Variants in PAN3 observed in about 807,000 individuals in gnomAD.
PAN3 encodes the protein poly(A) specific ribonuclease subunit PAN3.
Under a neutral mutation model 96.2 loss-of-function variants are expected in PAN3, and 19 were observed. The observed-to-expected ratio is 0.20, with a 90% CI of 0.14 to 0.29. The LOEUF (loss-of-function observed/expected upper bound fraction) is 0.29, where lower values mean the gene tolerates loss of function less well. Among genes scored for constraint, PAN3 ranks in the 10% least tolerant of loss-of-function variants. PAN3 has a pLI of 1.00. For synonymous variants in PAN3, 433 were observed against 406.6 expected (o/e 1.06, Z -0.78); for missense variants, 882 against 1,108.1 (o/e 0.80, Z 2.90).
chr13:28,246,017 T>G (rs554286652), intron 6 of PAN3, among the ~76,000 whole-genome samples: 2 of 152,204 alleles, frequency 1.3e-5, no homozygotes, highest in Admixed American at 6.5e-5. Flanking sequence ...ATGTTTTTAG[T>G]GCTCTTCGGT....
intron 1 of PAN3, among the ~76,000 whole-genome samples, chr13:28,156,484 A>G (rs1166142242): frequency 6.6e-6 from 1 of 152,226 alleles, no homozygotes; most frequent in African/African-American, 2.4e-5. Context: ...ACATATTAAT[A>G]TAAAGAGCTG....
At chr13:28,156,464 A>G (rs868726163) in intron 1 of PAN3, among the ~76,000 whole-genome samples, 6 of 152,326 alleles carry the variant, frequency 3.9e-5, no homozygotes, top group Middle Eastern at 6.8e-3. Context: ...TCAAAGCTGA[A>G]TTCTACCAGA....
At chr13:28,282,340 GT>G (rs11406834) in intron 17 of PAN3, among the ~76,000 whole-genome samples, 53 of 143,598 alleles carry the variant, frequency 3.7e-4, no homozygotes, top group Middle Eastern at 3.6e-3. Context: ...TTGAGGGGTT[GT>G]TTTTTTTTTT....
At chr13:28,277,528 CT>C in intron 15 of PAN3, 152 bp downstream of exon 15, 1 of 820,290 alleles carries the variant, frequency 1.2e-6, no homozygotes, top group Non-Finnish European at 1.9e-6. Flanking sequence ...GTAAATATTT[CT>C]TAGATAAATT....
At chr13:28,194,466 A>ATATATATT (rs1429166016) in intron 4 of PAN3, among the ~76,000 whole-genome samples, 2 of 122,130 alleles carry the variant, frequency 1.6e-5, no homozygotes, top group African/African-American at 7.2e-5. Context: ...ATATATATAT[A>ATATATATT]TTTTTTTTTT....
chr13:28,153,354 G>A (rs966642437), intron 1 of PAN3, among the ~76,000 whole-genome samples: 4 of 148,736 alleles, frequency 2.7e-5, no homozygotes, highest in African/African-American at 1.0e-4. Context: ...TCCTGCCTCA[G>A]CCTCCCGAGT....
At chr13:28,213,069 T>C (rs1294657687) in intron 5 of PAN3, among the ~76,000 whole-genome samples, 2 of 152,098 alleles carry the variant, frequency 1.3e-5, no homozygotes, top group Non-Finnish European at 2.9e-5. Context: ...AACAATACCA[T>C]TGGCTTTCCG....
chr13:28,289,498 A>T (rs972615949), intron 18 of PAN3, among the ~76,000 whole-genome samples: 1 of 152,150 alleles, frequency 6.6e-6, no homozygotes, highest in Non-Finnish European at 1.5e-5. Flanking sequence ...GGCTGGTCCC[A>T]AACTCCTGAG....
intron 1 of PAN3, among the ~76,000 whole-genome samples, chr13:28,170,096 C>A (rs1207008872): frequency 6.6e-6 from 1 of 152,106 alleles, no homozygotes; most frequent in Non-Finnish European, 1.5e-5. Flanking sequence ...CCATTGATTA[C>A]TGGCTATATC....
chr13:28,155,854 A>ATTTT (rs1289720473), intron 1 of PAN3, among the ~76,000 whole-genome samples: 2 of 152,204 alleles, frequency 1.3e-5, no homozygotes, highest in Non-Finnish European at 2.9e-5. Flanking sequence ...TAGGTAGATG[A>ATTTT]GAAAAGACAC....
chr13:28,208,214 G>A (rs1879600078), intron 5 of PAN3, among the ~76,000 whole-genome samples: 1 of 152,140 alleles, frequency 6.6e-6, no homozygotes, highest in Admixed American at 6.5e-5. Flanking sequence ...TGTGGAATAT[G>A]ACAAATAGGT....
intron 6 of PAN3, among the ~76,000 whole-genome samples, chr13:28,227,510 G>A (rs1326682621): frequency 6.6e-6 from 1 of 152,126 alleles, no homozygotes; most frequent in African/African-American, 2.4e-5. Context: ...ATTATGACTC[G>A]ATTGCCTTTA....
intron 7 of PAN3, among the ~76,000 whole-genome samples, chr13:28,259,633 T>TTTTA (rs897460475): frequency 9.9e-5 from 15 of 151,792 alleles, no homozygotes; most frequent in East Asian, 5.8e-4. Flanking sequence ...TAATTTTTTA[T>TTTTA]TTTATTTATT....
At chr13:28,139,191 C>A (rs1017934843) in intron 1 of PAN3, 104 bp downstream of exon 1, 12 of 1,190,096 alleles carry the variant, frequency 1.0e-5, no homozygotes, top group East Asian at 3.2e-5. Context: ...CGGGCTCCCC[C>A]CCTCACCTCC....
At chr13:28,152,153 C>T (rs1348579607) in intron 1 of PAN3, among the ~76,000 whole-genome samples, 1 of 152,174 alleles carries the variant, frequency 6.6e-6, no homozygotes, top group Non-Finnish European at 1.5e-5. Flanking sequence ...ACTATCCCAT[C>T]ACATTTAATA....
intron 14 of PAN3, among the ~76,000 whole-genome samples, chr13:28,276,261 T>C (rs1458086394): frequency 6.6e-6 from 1 of 152,236 alleles, no homozygotes; most frequent in Non-Finnish European, 1.5e-5. Context: ...AAATTCCTTA[T>C]AATAAACGAA....
At chr13:28,206,387 G>A (rs1163390256) in intron 5 of PAN3, among the ~76,000 whole-genome samples, 2 of 145,372 alleles carry the variant, frequency 1.4e-5, no homozygotes, top group Non-Finnish European at 3.0e-5. Flanking sequence ...GCAGTGGTGC[G>A]ATCTCGGCTT....
chr13:28,261,372 A>C (rs907526313), intron 8 of PAN3, 29 bp from the exon 9 acceptor site: 31 of 1,413,034 alleles, frequency 2.2e-5, no homozygotes, highest in Non-Finnish European at 2.9e-5. Flanking sequence ...TCTGTGTTTA[A>C]ATAAAAATAT....
At chr13:28,257,680 T>G (rs970627503) in intron 7 of PAN3, among the ~76,000 whole-genome samples, 49 of 139,248 alleles carry the variant, frequency 3.5e-4, no homozygotes, top group African/African-American at 1.3e-3. Flanking sequence ...GTAAAGTTAT[T>G]AAATTATATA....
Sources: allele counts gnomAD v4.1 joint callset (sites outside exome capture counted in the v4.1 genomes callset), GRCh38; gene constraint gnomAD v4.1.1; transcripts MANE v1.5; gene names NCBI Gene and HGNC (gene_info 2026-07-23, HGNC 2026-07-21).